Variants in SYT13 observed in about 807,000 individuals in gnomAD.
SYT13 encodes the protein synaptotagmin-13.
Under a neutral mutation model 38.6 loss-of-function variants are expected in SYT13, and 21 were observed. The ratio of observed to expected loss-of-function variants is 0.54; its 90% CI spans 0.39 to 0.78. The LOEUF (loss-of-function observed/expected upper bound fraction) is 0.78. Ranked by LOEUF, SYT13 falls within the 30% of genes least tolerant of loss-of-function variation. The pLI is 0.00. For missense variants in SYT13, 495 were observed against 548.7 expected (o/e 0.90, Z 0.98); for synonymous variants, 241 against 237.6 (o/e 1.01, Z -0.13).
intron 5 of SYT13, among the ~76,000 whole-genome samples, chr11:45,246,170 G>C (rs557537973): frequency 6.6e-6 from 1 of 152,336 alleles, no homozygotes; most frequent in Admixed American, 6.5e-5. Context: ...ATTGATCCAA[G>C]AGTAAATGGA....
chr11:45,278,090 A>G (rs150938566), intron 1 of SYT13, among the ~76,000 whole-genome samples: 2 of 152,116 alleles, frequency 1.3e-5, no homozygotes, highest in Non-Finnish European at 2.9e-5. Context: ...TATTAGTTCC[A>G]TTATTTCTTA....
chr11:45,261,440 ACAC>A (rs1312380034), intron 1 of SYT13, among the ~76,000 whole-genome samples: 18 of 152,052 alleles, frequency 1.2e-4, no homozygotes, highest in African/African-American at 4.3e-4. Context: ...AAACACACAC[ACAC>A]AAAAATTAGC....
intron 4 of SYT13, among the ~76,000 whole-genome samples, chr11:45,247,888 T>C (rs1334795918): frequency 1.3e-5 from 2 of 152,280 alleles, no homozygotes; most frequent in African/African-American, 2.4e-5. Flanking sequence ...TGAAGAAATA[T>C]AGATATCAGA....
intron 1 of SYT13, among the ~76,000 whole-genome samples, chr11:45,257,071 T>C (rs1854757163): frequency 6.6e-6 from 1 of 152,186 alleles, no homozygotes; most frequent in African/African-American, 2.4e-5. Context: ...GAAGCCAAAA[T>C]GTAGCCTGTG....
chr11:45,280,694 C>T (rs58355417), intron 1 of SYT13, among the ~76,000 whole-genome samples: 4,082 of 152,266 alleles, frequency 0.027, 193 homozygotes, highest in African/African-American at 0.092. Flanking sequence ...ACTGTGCTGG[C>T]TTCAAATCCT....
intron 1 of SYT13, among the ~76,000 whole-genome samples, chr11:45,266,563 G>A (rs1212066904): frequency 1.3e-5 from 2 of 150,460 alleles, no homozygotes; most frequent in Admixed American, 1.3e-4. Flanking sequence ...TGGACAACAG[G>A]CATTAAGTCC....
intron 1 of SYT13, among the ~76,000 whole-genome samples, chr11:45,268,245 G>A (rs907354074): frequency 2.0e-5 from 3 of 152,108 alleles, no homozygotes; most frequent in East Asian, 1.9e-4. Context: ...CCAACTGCCC[G>A]AACAACACTG....
chr11:45,270,166 C>T (rs555577059), intron 1 of SYT13, among the ~76,000 whole-genome samples: 1 of 152,228 alleles, frequency 6.6e-6, no homozygotes, highest in South Asian at 2.1e-4. Flanking sequence ...TCCCACTGTA[C>T]TGGTTTACTA....
At chr11:45,281,511 C>A (rs1480805488) in intron 1 of SYT13, among the ~76,000 whole-genome samples, 8 of 151,992 alleles carry the variant, frequency 5.3e-5, no homozygotes, top group Non-Finnish European at 1.0e-4. Flanking sequence ...ACCAAAAATA[C>A]AAAAAAATTG....
At chr11:45,248,762 C>T (rs1333449789) in intron 4 of SYT13, among the ~76,000 whole-genome samples, 1 of 152,178 alleles carries the variant, frequency 6.6e-6, no homozygotes, top group Non-Finnish European at 1.5e-5. Context: ...CCTCTGCTAC[C>T]TACAGACCAG....
chr11:45,254,432 C>T (rs900255080), intron 2 of SYT13, 28 bp from the exon 3 acceptor site: 4 of 1,604,712 alleles, frequency 2.5e-6, no homozygotes, highest in Non-Finnish European at 3.4e-6. Context: ...ATCGTCACTG[C>T]CACCCACACT....
intron 1 of SYT13, among the ~76,000 whole-genome samples, chr11:45,284,846 C>T (rs528416246): frequency 9.7e-4 from 147 of 152,306 alleles, no homozygotes; most frequent in Non-Finnish European, 1.5e-4. Context: ...GCTGTGCAGC[C>T]GGCTCCTATT....
In SYT13 at chr11:45,255,832, G is replaced by C; in HGVS notation, c.243C>G (p.Asp81Glu). The C allele has an allele frequency of 6.2e-7, 1 of 1,614,170 alleles. No homozygotes were observed. Among genetic ancestry groups the C allele is most frequent in the Non-Finnish European group, 8.5e-7 (1 of 1,180,036 alleles). Residue 81 changes from aspartate (D) to glutamate (E), a missense_variant, in exon 2 of 6, where the codon GAC (aspartate) becomes GAG (glutamate). Coordinates refer to ENST00000020926, the MANE Select transcript of SYT13 (RefSeq NM_020826.3). ...VQPRALLKFP[D>E]IYGPRPAVTA... Reference sequence around the variant, plus strand: ...TCACAGCTGGCCTGGGTCCATAGATGTCTGGGAACTTGAGGAGGGCACGGG... The same window carrying C: ...TCACAGCTGGCCTGGGTCCATAGATCTCTGGGAACTTGAGGAGGGCACGGG...
intron 1 of SYT13, among the ~76,000 whole-genome samples, chr11:45,256,827 A>G (rs1056804774): frequency 1.3e-5 from 2 of 152,164 alleles, no homozygotes; most frequent in African/African-American, 2.4e-5. Context: ...AATATTTATC[A>G]TCTTATTACA....
At chr11:45,279,054 C>A (rs1432582597) in intron 1 of SYT13, among the ~76,000 whole-genome samples, 1 of 152,290 alleles carries the variant, frequency 6.6e-6, no homozygotes, top group East Asian at 1.9e-4. Flanking sequence ...TTTATAGACA[C>A]TTTTATGCCA....
chr11:45,275,814 A>C (rs1855003826), intron 1 of SYT13, among the ~76,000 whole-genome samples: 1 of 146,554 alleles, frequency 6.8e-6, no homozygotes, highest in African/African-American at 2.5e-5. Flanking sequence ...TATTGGGGGG[A>C]ATTTTAGTGG....
chr11:45,247,943 A>T (rs1854633050), intron 4 of SYT13, among the ~76,000 whole-genome samples: 1 of 152,278 alleles, frequency 6.6e-6, no homozygotes, highest in Non-Finnish European at 1.5e-5. Context: ...AGTAAAGGTC[A>T]TAAATTACAA....
intron 5 of SYT13, among the ~76,000 whole-genome samples, chr11:45,245,297 G>T (rs1209331425): frequency 2.6e-5 from 4 of 152,162 alleles, no homozygotes; most frequent in Non-Finnish European, 2.9e-5. Context: ...GAGAATAATT[G>T]TTACTTTGTA....
At chr11:45,279,442 C>T (rs889352379) in intron 1 of SYT13, among the ~76,000 whole-genome samples, 1 of 152,000 alleles carries the variant, frequency 6.6e-6, no homozygotes, top group East Asian at 1.9e-4. Flanking sequence ...AAGAAATTAG[C>T]CAGGTACGGT....
Sources: gnomAD v4.1 joint callset for allele counts (sites outside exome capture counted in the v4.1 genomes callset) on GRCh38, gnomAD v4.1.1 for gene constraint, MANE v1.5 for transcripts, NCBI Gene and HGNC (gene_info 2026-07-23, HGNC 2026-07-21) for gene names.